Variants in SSC4D observed in about 807,000 individuals in gnomAD.
SSC4D encodes the protein scavenger receptor cysteine-rich domain-containing group B protein.
Under a neutral mutation model 63.4 loss-of-function variants are expected in SSC4D, and 57 were observed. That is an observed-to-expected ratio of 0.90 (90% CI 0.73 to 1.12). SSC4D has a LOEUF of 1.12. Ranked by LOEUF, SSC4D falls within the 50% of genes most tolerant of loss-of-function variation. The pLI, the probability that SSC4D is intolerant of heterozygous loss-of-function variation, is 0.00. For synonymous variants in SSC4D, 352 were observed against 345.4 expected (o/e 1.02, Z -0.21); for missense variants, 791 against 806.4 (o/e 0.98, Z 0.23).
intron 9 of SSC4D, among the ~76,000 whole-genome samples, chr7:76,392,992 G>A (rs1319405597): frequency 1.3e-5 from 2 of 152,078 alleles, no homozygotes; most frequent in Admixed American, 6.6e-5. Flanking sequence ...CACTGACTCC[G>A]CCCAAAGGTC....
At chr7:76,404,108 A>C (rs926314561) in intron 2 of SSC4D, among the ~76,000 whole-genome samples, 199 bp downstream of exon 2, 2 of 151,986 alleles carry the variant, frequency 1.3e-5, no homozygotes, top group African/African-American at 4.8e-5. Context: ...GGGTGCGTTT[A>C]CCTGTCACCT....
intron 2 of SSC4D, 139 bp downstream of exon 2, chr7:76,404,168 C>T: frequency 7.8e-7 from 1 of 1,278,648 alleles, no homozygotes; most frequent in Non-Finnish European, 1.0e-6. Context: ...GCTCTTTTGT[C>T]AACTCTGGGC....
intron 10 of SSC4D, among the ~76,000 whole-genome samples, chr7:76,391,284 G>A (rs1241711163): frequency 1.3e-5 from 2 of 151,790 alleles, no homozygotes; most frequent in East Asian, 1.9e-4. Flanking sequence ...AAATACAAAC[G>A]CACAAAATTA....
chr7:76,398,861 T>C lies in SSC4D; in HGVS notation c.476-64A>G, dbSNP rs185386492. The C allele has an allele frequency of 4.8e-5, 75 of 1,560,436 alleles. No individual in the cohort carries two copies. The African/African-American group carries it at 8.2e-4, about 17-fold the overall frequency. On this transcript the variant is annotated intron_variant, in intron 4 of 10. Transcript: ENST00000275560. Reference sequence around the variant, plus strand: ...TCTCCATCCTCACACCACGGGGTGTTTAAGGGGCAGGAGGATGGACCCATA... The same window carrying C: ...TCTCCATCCTCACACCACGGGGTGTCTAAGGGGCAGGAGGATGGACCCATA...
At chr7:76,402,473 C>T (rs1804864353) in intron 2 of SSC4D, among the ~76,000 whole-genome samples, 1 of 151,842 alleles carries the variant, frequency 6.6e-6, no homozygotes, top group Admixed American at 6.6e-5. Flanking sequence ...TGAGCCACCG[C>T]TCCTGGCCTA....
At chr7:76,405,347 T>TTCTTTC (rs1804986689) in intron 1 of SSC4D, among the ~76,000 whole-genome samples, 3 of 51,170 alleles carry the variant, frequency 5.9e-5, no homozygotes, top group African/African-American at 2.0e-4. Flanking sequence ...TTCTTTTTTT[T>TTCTTTC]TTTTTTTTTT....
chr7:76,401,034 A>C lies in SSC4D; in HGVS notation c.143T>G (p.Leu48Arg), dbSNP rs1275637941. 1.3e-6 allele frequency: 2 copies of C among 1,548,920 alleles called. No homozygotes were observed. Among genetic ancestry groups the C allele is most frequent in the South Asian group, 2.4e-5 (2 of 83,720 alleles). Residue 48 changes from leucine to arginine, a missense_variant, in exon 3 of 11, where the codon CTA (leucine) becomes CGA (arginine). Coordinates refer to ENST00000275560, the MANE Select transcript of SSC4D (RefSeq NM_080744.2). The stretch of plus-strand genomic sequence containing the variant: ...TTGAAAGGGCAGTGGAGTGGGCTGT[A>C]GGGCGCTGGCTGAAACAGAGTGAGG... ...FLLLLPLASA[L>R]QPTPLPFQEL...
At position 76,400,199 on chromosome 7, in the gene SSC4D, T is replaced by C. The variant is rs894285577; in HGVS notation, c.475+87A>G. 11 of 1,358,110 alleles carry C rather than the reference T, an allele frequency of 8.1e-6. No individual in the cohort carries two copies. The South Asian group carries it at 2.2e-4, about 27-fold the overall frequency. The allele number at this position is 1,358,110 out of a possible 1,614,324, so 84.1% of individuals were successfully genotyped here. A position where few individuals can be genotyped will look rare whatever the true frequency, so the allele number is the denominator to read the frequency against. On this transcript the variant is annotated intron_variant, in intron 4 of 10. Transcript: ENST00000275560. Reference sequence around the variant, plus strand: ...CTGATCTGCATGGAACAGCCTTACCTGTGGGAAGTCCCTTCATTTATCTAG... The same window carrying C: ...CTGATCTGCATGGAACAGCCTTACCCGTGGGAAGTCCCTTCATTTATCTAG...
In SSC4D at chr7:76,396,253, G is replaced by A. The variant is rs1283403303; in HGVS notation, c.869-923C>T. Among the ~76,000 whole-genome samples, 4 of 152,334 alleles carry A rather than the reference G, an allele frequency of 2.6e-5. No homozygotes were observed. The East Asian group carries it at 7.7e-4, about 29-fold the overall frequency. Reference sequence around the variant, plus strand: ...TAGCTAAAACAGGGATGGGGTGGGAGTGCCTCTCCATGAGATACGCCCACT... The same window carrying A: ...TAGCTAAAACAGGGATGGGGTGGGAATGCCTCTCCATGAGATACGCCCACT... On this transcript the variant is annotated intron_variant, in intron 6 of 10. Transcript: ENST00000275560.
chr7:76,402,215 C>A (rs1804856067), intron 2 of SSC4D, among the ~76,000 whole-genome samples: 1 of 144,834 alleles, frequency 6.9e-6, no homozygotes, highest in African/African-American at 2.5e-5. Context: ...CAGAGTCTTA[C>A]TCCATTCAGG....
rs1442218689 is a variant in SSC4D at position 76,392,866 on chromosome 7, A to G, written c.1333+539T>C. ...CCCAAAACAGAACCCTCTGTGGCCAAAACTATGGGAAGTAGGGCCTACTAG... is the reference window on the plus strand; with the variant it reads ...CCCAAAACAGAACCCTCTGTGGCCAGAACTATGGGAAGTAGGGCCTACTAG... On this transcript the variant is annotated intron_variant, in intron 9 of 10. Transcript: ENST00000275560. Among the ~76,000 whole-genome samples the G allele has an allele frequency of 2.0e-5, 3 of 152,146 alleles. No homozygotes were observed. In the East Asian group the frequency reaches 5.8e-4, roughly 29 times the overall value.
At chr7:76,401,687 G>T (rs1804834711) in intron 2 of SSC4D, among the ~76,000 whole-genome samples, 1 of 152,208 alleles carries the variant, frequency 6.6e-6, no homozygotes, top group African/African-American at 2.4e-5. Flanking sequence ...AAAGTGCTGG[G>T]ATTATAGGTG....
intron 1 of SSC4D, among the ~76,000 whole-genome samples, chr7:76,405,313 A>ATG (rs1563687000): frequency 5.8e-5 from 2 of 34,370 alleles, no homozygotes; most frequent in Admixed American, 3.2e-4. Context: ...ATATATATAT[A>ATG]TATGTATTTT....
In SSC4D at chr7:76,398,716, G is replaced by C; in HGVS notation, c.553+4C>G. On this transcript the variant is annotated splice_donor_region_variant and intron_variant, in intron 5 of 10. Coordinates refer to ENST00000275560, the MANE Select transcript of SSC4D (RefSeq NM_080744.2). ...CAGGTGGTGCCCACATTATGCTTAC[G>C]TACTTTTTCCATTCGGCAGTGTCGT... 6.2e-7 allele frequency: 1 copy of C among 1,612,686 alleles called. No homozygotes were observed. The highest frequency in any genetic ancestry group is 8.5e-7 in the Non-Finnish European group (1 of 1,179,032).
intron 1 of SSC4D, 136 bp from the exon 2 acceptor site, chr7:76,404,641 A>G (rs1804941656): frequency 1.5e-6 from 1 of 675,888 alleles, no homozygotes; most frequent in African/African-American, 1.8e-5. Flanking sequence ...AAAAGTTTTT[A>G]AAAATGAGGC....
intron 2 of SSC4D, among the ~76,000 whole-genome samples, chr7:76,401,981 C>G (rs1804845316): frequency 6.6e-6 from 1 of 152,112 alleles, no homozygotes; most frequent in Non-Finnish European, 1.5e-5. Flanking sequence ...ATTTCCCTCC[C>G]TAAAGATTTA....
At chr7:76,394,362 G>C (rs1266248051) in intron 7 of SSC4D, among the ~76,000 whole-genome samples, 1 of 151,486 alleles carries the variant, frequency 6.6e-6, no homozygotes, top group Admixed American at 6.6e-5. Context: ...CTCCTGCCTC[G>C]GTATTCCAAA....
chr7:76,407,277 C>G (rs1031919554), intron 1 of SSC4D, among the ~76,000 whole-genome samples: 1 of 151,958 alleles, frequency 6.6e-6, no homozygotes, highest in Admixed American at 6.6e-5. Context: ...TAAATTAACT[C>G]TAGGCCAAGT....
chr7:76,393,960 G>T, intron 7 of SSC4D, 56 bp from the exon 8 acceptor site: 1 of 1,519,226 alleles, frequency 6.6e-7, no homozygotes, highest in South Asian at 1.2e-5. Context: ...CTTCTGTCCT[G>T]CAGCAGGGCA....
Sources: allele counts gnomAD v4.1 joint callset (sites outside exome capture counted in the v4.1 genomes callset), GRCh38; gene constraint gnomAD v4.1.1; transcripts MANE v1.5; gene names NCBI Gene and HGNC (gene_info 2026-07-23, HGNC 2026-07-21).